Variants in TEKT5 observed in about 807,000 individuals in gnomAD.
TEKT5 encodes tektin-5.
TEKT5 carries 52 observed loss-of-function variants against 48.7 expected under a neutral mutation model. The observed-to-expected ratio is 1.07, with a 90% CI of 0.86 to 1.35. TEKT5 has a LOEUF of 1.35. TEKT5 is among the 40% of genes most tolerant of loss of function. TEKT5 has a pLI of 0.00. For synonymous variants in TEKT5, 318 were observed against 267.6 expected, an observed-to-expected ratio of 1.19 and a Z score of -1.84; for missense variants, 831 against 641.6, an observed-to-expected ratio of 1.30 and a Z score of -3.19.
At chr16:10,629,623 C>T (rs1443570206) in intron 6 of TEKT5, among the ~76,000 whole-genome samples, 1 of 152,216 alleles carries the variant, frequency 6.6e-6, no homozygotes, top group Non-Finnish European at 1.5e-5. Context: ...GTCTTCCTTA[C>T]TGGCCAGGGC....
chr16:10,693,094 G>C (rs1034125295), intron 1 of TEKT5: 1 of 152,222 alleles, frequency 6.6e-6, no homozygotes, highest in African/African-American at 2.4e-5. Flanking sequence ...TTTGTTGTTT[G>C]TTTGTTTGTT....
chr16:10,667,376 A>C (rs1898475561), intron 5 of TEKT5, among the ~76,000 whole-genome samples: 1 of 152,188 alleles, frequency 6.6e-6, no homozygotes, highest in South Asian at 2.1e-4. Context: ...TCCTATACCA[A>C]TCACAGAATT....
chr16:10,672,728 T>A (rs1898568691), intron 5 of TEKT5, among the ~76,000 whole-genome samples: 1 of 152,112 alleles, frequency 6.6e-6, no homozygotes, highest in Non-Finnish European at 1.5e-5. Context: ...GGCAAGTAAA[T>A]CAACTAGTAC....
intron 5 of TEKT5, among the ~76,000 whole-genome samples, chr16:10,674,825 ATT>A (rs58966813): frequency 7.1e-6 from 1 of 140,894 alleles, no homozygotes; most frequent in Non-Finnish European, 1.6e-5. Flanking sequence ...CACAGTTCTT[ATT>A]TTTTTTTTTT....
chr16:10,689,846 T>C, intron 2 of TEKT5, 96 bp downstream of exon 2: 1 of 1,207,730 alleles, frequency 8.3e-7, no homozygotes, highest in Non-Finnish European at 1.2e-6. Context: ...GTGACACGTG[T>C]GGCTTCTGCT....
chr16:10,629,413 G>A (rs1029444392), intron 6 of TEKT5, among the ~76,000 whole-genome samples: 3 of 152,086 alleles, frequency 2.0e-5, no homozygotes, highest in Non-Finnish European at 2.9e-5. Flanking sequence ...GCCACACCCA[G>A]CTAATTTTTC....
chr16:10,644,133 C>A (rs1350154673), intron 5 of TEKT5, among the ~76,000 whole-genome samples: 1 of 152,194 alleles, frequency 6.6e-6, no homozygotes, highest in African/African-American at 2.4e-5. Flanking sequence ...AAGGGGCTTG[C>A]ACTGTATTTC....
intron 5 of TEKT5, among the ~76,000 whole-genome samples, chr16:10,639,314 A>G (rs190578805): frequency 0.022 from 3,394 of 151,636 alleles, 127 homozygotes; most frequent in African/African-American, 0.079. Flanking sequence ...TATCTCCAAA[A>G]AACAAAAAAC....
Position 10,641,693 on chromosome 16 carries a change from G to A in TEKT5, c.1087-5775C>T, listed in dbSNP as rs563609496. On this transcript the variant is annotated intron_variant, in intron 5 of 6. Coordinates refer to ENST00000283025, the MANE Select transcript of TEKT5 (RefSeq NM_144674.2). ...CAAAATTAGCCAGGCATGGTGATGCGCGCCTGTAGTCCCAGCTACAAGGGA... is the reference window on the plus strand; with the variant it reads ...CAAAATTAGCCAGGCATGGTGATGCACGCCTGTAGTCCCAGCTACAAGGGA... Among the ~76,000 whole-genome samples, 18 of 152,282 alleles carry A rather than the reference G, an allele frequency of 1.2e-4. No homozygotes were observed. In the South Asian group the frequency reaches 2.9e-3, roughly 25 times the overall value.
chr16:10,629,716 C>G (rs1405104093), intron 6 of TEKT5, among the ~76,000 whole-genome samples: 2 of 152,196 alleles, frequency 1.3e-5, no homozygotes, highest in Non-Finnish European at 2.9e-5. Flanking sequence ...GTTGCTCAGC[C>G]AATCTGAGCT....
At chr16:10,659,536 C>G (rs537084992) in intron 5 of TEKT5, among the ~76,000 whole-genome samples, 2 of 152,068 alleles carry the variant, frequency 1.3e-5, no homozygotes, top group Admixed American at 6.6e-5. Context: ...CCCACCACCA[C>G]ACTTGGCTAA....
intron 5 of TEKT5, among the ~76,000 whole-genome samples, chr16:10,660,430 G>T (rs1023498468): frequency 2.0e-5 from 3 of 151,756 alleles, no homozygotes; most frequent in Non-Finnish European, 4.4e-5. Context: ...GGAGGTAAAA[G>T]GTCAGTCAGG....
At chr16:10,634,008 T>C (rs1043694271) in intron 6 of TEKT5, among the ~76,000 whole-genome samples, 11 of 152,134 alleles carry the variant, frequency 7.2e-5, no homozygotes, top group Non-Finnish European at 1.3e-4. Context: ...AACTGATAGC[T>C]CTCTTCTTGA....
intron 2 of TEKT5, among the ~76,000 whole-genome samples, chr16:10,689,635 A>T (rs1898930250): frequency 6.6e-6 from 1 of 152,092 alleles, no homozygotes; most frequent in Non-Finnish European, 1.5e-5. Context: ...ATTACATTAA[A>T]TAATGCATAT....
intron 5 of TEKT5, among the ~76,000 whole-genome samples, chr16:10,668,388 T>C (rs955059246): frequency 6.6e-6 from 1 of 152,084 alleles, no homozygotes; most frequent in East Asian, 1.9e-4. Flanking sequence ...ATGAGGAGGG[T>C]AGCACAGGGC....
intron 5 of TEKT5, 143 bp from the exon 6 acceptor site, chr16:10,636,061 G>A (rs2142259320): frequency 1.5e-6 from 2 of 1,301,902 alleles, no homozygotes; most frequent in East Asian, 4.8e-5. Context: ...CACCTTTAGG[G>A]CAGGAAGCTC....
intron 4 of TEKT5, among the ~76,000 whole-genome samples, chr16:10,676,963 C>T (rs1037924748): frequency 3.2e-5 from 4 of 124,848 alleles, no homozygotes; most frequent in African/African-American, 9.8e-5. Flanking sequence ...GCAGGCAGAT[C>T]AGTTGAGTCC....
chr16:10,652,326 G>A (rs1898171442), intron 5 of TEKT5, among the ~76,000 whole-genome samples: 1 of 151,954 alleles, frequency 6.6e-6, no homozygotes, highest in Non-Finnish European at 1.5e-5. Context: ...TCTGAAAAAT[G>A]CCAAAGGAAA....
At chr16:10,636,607 G>A (rs74007174) in intron 5 of TEKT5, among the ~76,000 whole-genome samples, 2,091 of 151,946 alleles carry the variant, frequency 0.014, 55 homozygotes, top group African/African-American at 0.048. Context: ...CAGATTGACA[G>A]AGACTGTTAA....
Sources: gnomAD v4.1 joint callset for allele counts (sites outside exome capture counted in the v4.1 genomes callset) on GRCh38, gnomAD v4.1.1 for gene constraint, MANE v1.5 for transcripts, NCBI Gene and HGNC (gene_info 2026-07-23, HGNC 2026-07-21) for gene names.